The following OVOL2 variants were observed in gnomAD, a reference collection of about 807,000 sequenced individuals.
OVOL2 encodes the protein ovo like zinc finger 2.
A neutral mutation model predicts 18.1 loss-of-function variants in OVOL2; 13 were observed. That is an observed-to-expected ratio of 0.72 (90% confidence interval 0.47 to 1.14). The LOEUF is 1.14. Ranked by LOEUF, OVOL2 falls within the 50% of genes most tolerant of loss-of-function variation. The pLI is 0.00. For synonymous variants in OVOL2, 166 were observed against 162.7 expected (o/e 1.02, Z -0.16); for missense variants, 335 against 383.0 (o/e 0.87, Z 1.05).
At chr20:18,054,123 T>C (rs1600453453) in intron 2 of OVOL2, among the ~76,000 whole-genome samples, 1 of 152,362 alleles carries the variant, frequency 6.6e-6, no homozygotes. Flanking sequence ...TCTATGGTTA[T>C]TGGGCACATA....
At chr20:18,042,746 G>T (rs1030477043) in intron 2 of OVOL2, among the ~76,000 whole-genome samples, 29 of 138,932 alleles carry the variant, frequency 2.1e-4, no homozygotes, top group Non-Finnish European at 3.0e-4. Flanking sequence ...ATTGCATCCA[G>T]CCTGGGCAAC....
At chr20:18,048,986 A>G (rs953973757) in intron 2 of OVOL2, among the ~76,000 whole-genome samples, 16 of 152,138 alleles carry the variant, frequency 1.1e-4, no homozygotes, top group Non-Finnish European at 2.2e-4. Context: ...CACTTTGCAA[A>G]AGGCTTATTA....
chr20:18,038,899 A>G (rs2036644097), intron 3 of OVOL2, among the ~76,000 whole-genome samples: 1 of 152,048 alleles, frequency 6.6e-6, no homozygotes, highest in South Asian at 2.1e-4. Flanking sequence ...GACCTCCCCT[A>G]GGCCTCTTAT....
At chr20:18,036,933 G>A (rs1171470616) in intron 3 of OVOL2, among the ~76,000 whole-genome samples, 1 of 151,908 alleles carries the variant, frequency 6.6e-6, no homozygotes, top group African/African-American at 2.4e-5. Flanking sequence ...TCAGGAGATC[G>A]AGACCATCCT....
At position 18,048,422 on chromosome 20, in the gene OVOL2, T is replaced by C. The variant is rs552930825; in HGVS notation, c.322-6699A>G. Among the ~76,000 whole-genome samples the C allele has an allele frequency of 2.6e-5, 4 of 152,230 alleles. No homozygotes were observed. The South Asian group carries it at 8.3e-4, about 32-fold the overall frequency. The stretch of plus-strand genomic sequence containing the variant: ...TCCCAGTCCTTCATCTGCAACTCTG[T>C]AATTCAAAAAGCTCTGAAAAACAGC... On this transcript the variant is annotated intron_variant, in intron 2 of 3. Transcript: ENST00000278780.
intron 2 of OVOL2, among the ~76,000 whole-genome samples, chr20:18,052,160 G>A (rs1056769108): frequency 6.6e-6 from 1 of 152,182 alleles, no homozygotes; most frequent in African/African-American, 2.4e-5. Flanking sequence ...TTAGGCACAT[G>A]GTGATGCGCT....
chr20:18,047,583 G>A (rs143527150), intron 2 of OVOL2, among the ~76,000 whole-genome samples: 3,152 of 148,626 alleles, frequency 0.021, 350 homozygotes, highest in African/African-American at 0.075. Flanking sequence ...GCAGGGCACA[G>A]TGGCTCACAC....
intron 3 of OVOL2, among the ~76,000 whole-genome samples, chr20:18,034,970 G>A (rs553821657): frequency 3.3e-5 from 5 of 152,208 alleles, no homozygotes; most frequent in African/African-American, 1.2e-4. Flanking sequence ...AAGGGTCCTC[G>A]GCCCTGGGTC....
At chr20:18,052,748 A>T (rs958832505) in intron 2 of OVOL2, among the ~76,000 whole-genome samples, 1 of 152,266 alleles carries the variant, frequency 6.6e-6, no homozygotes, top group Non-Finnish European at 1.5e-5. Flanking sequence ...AAAAGAAAGA[A>T]CAGAATAGGA....
At chr20:18,039,083 A>C (rs2036645901) in intron 3 of OVOL2, among the ~76,000 whole-genome samples, 1 of 152,210 alleles carries the variant, frequency 6.6e-6, no homozygotes, top group African/African-American at 2.4e-5. Context: ...ATTTACATCA[A>C]GCTCAAAAAC....
At position 18,056,406 on chromosome 20, in the gene OVOL2, G is replaced by C. The variant is rs6045168; in HGVS notation, c.321+251C>G. Among the ~76,000 whole-genome samples, 1 of 152,162 alleles carries C rather than the reference G, an allele frequency of 6.6e-6. No individual in the cohort carries two copies. Among genetic ancestry groups the C allele is most frequent in the Non-Finnish European group, 1.5e-5 (1 of 68,004 alleles). ...CCAGAGGCAGCACTCGGCATCAGGC[G>C]GGGCCACCGGGAGGACGGAGCCCAC... On this transcript the variant is annotated intron_variant, in intron 2 of 3. Transcript: ENST00000278780. This position sits in a 1 kb window ranked among gnomAD's most constrained non-coding sequence, Gnocchi z 4.2.
At chr20:18,026,629 C>T (rs944834136) in intron 3 of OVOL2, among the ~76,000 whole-genome samples, 1 of 152,168 alleles carries the variant, frequency 6.6e-6, no homozygotes, top group Non-Finnish European at 1.5e-5. Context: ...GATCTGCCCC[C>T]CTCGGCCTCC....
Position 18,024,787 on chromosome 20 carries a change from T to C in OVOL2, c.677A>G (p.Gln226Arg). The change falls in exon 4 of 4, where the codon CAG becomes CGG. Residue 226 changes from glutamine to arginine, a missense_variant. Physicochemically the swap from Gln to Arg is conservative, Grantham distance 43. Coordinates refer to ENST00000278780, the MANE Select transcript of OVOL2 (RefSeq NM_021220.4). Reference protein sequence around the residue: ...CEDCGYTGPTQEDLYLHVNSA... With the variant: ...CEDCGYTGPTREDLYLHVNSA... ...GTTCACGTGCAGGTACAGGTCCTCC[T>C]GGGTGGGGCCCGTGTAGCCGCAATC... The C allele has an allele frequency of 6.2e-7, 1 of 1,614,204 alleles. No individual in the cohort carries two copies. The highest frequency in any genetic ancestry group is 8.5e-7 in the Non-Finnish European group (1 of 1,180,040).
At chr20:18,037,370 C>A (rs774618274) in intron 3 of OVOL2, among the ~76,000 whole-genome samples, 24 of 152,232 alleles carry the variant, frequency 1.6e-4, no homozygotes, top group Non-Finnish European at 2.6e-4. Context: ...TGGAGAACAA[C>A]AGCACTGACT....
At position 18,024,717 on chromosome 20, in the gene OVOL2, T is replaced by C; in HGVS notation, c.747A>G (p.Lys249=). Reference sequence around the variant, plus strand: ...GCTTGCCCTGCAGAAGGGCTGCCAGTTTTTTAGATGTCTTTTTGAGAAACG... The same window carrying C: ...GCTTGCCCTGCAGAAGGGCTGCCAGCTTTTTAGATGTCTTTTTGAGAAACG... The part of the protein sequence containing the change: ...GSSFLKKTSK[K]LAALLQGKLT... The change falls in exon 4 of 4, where the codon AAA becomes AAG. Residue 249 remains lysine (K), a synonymous_variant. Transcript: ENST00000278780. 1.2e-6 allele frequency: 2 copies of C among 1,614,110 alleles called. No homozygotes were observed. The highest frequency in any genetic ancestry group is 1.7e-6 in the Non-Finnish European group (2 of 1,180,012).
chr20:18,037,702 C>G (rs1319310761), intron 3 of OVOL2, among the ~76,000 whole-genome samples: 1 of 152,138 alleles, frequency 6.6e-6, no homozygotes, highest in Non-Finnish European at 1.5e-5. Flanking sequence ...GATGGACACC[C>G]AAGGAGGGAT....
At chr20:18,042,524 C>A (rs1170777293) in intron 2 of OVOL2, among the ~76,000 whole-genome samples, 1 of 152,004 alleles carries the variant, frequency 6.6e-6, no homozygotes, top group Non-Finnish European at 1.5e-5. Flanking sequence ...TGCCTGTAAT[C>A]CCAGCACTTT....
At chr20:18,025,523 C>A (rs1185577431) in intron 3 of OVOL2, among the ~76,000 whole-genome samples, 1 of 151,936 alleles carries the variant, frequency 6.6e-6, no homozygotes, top group Non-Finnish European at 1.5e-5. Flanking sequence ...GAGCTGAGAT[C>A]GAGCCACTGC....
chr20:18,030,383 A>T (rs2036557185), intron 3 of OVOL2, among the ~76,000 whole-genome samples: 1 of 152,162 alleles, frequency 6.6e-6, no homozygotes, highest in Admixed American at 6.5e-5. Context: ...AAAACATCCA[A>T]ACTAAAAATA....
Sources: allele counts gnomAD v4.1 joint callset (sites outside exome capture counted in the v4.1 genomes callset), GRCh38; gene constraint gnomAD v4.1.1; non-coding constraint Gnocchi (gnomAD v3.1); transcripts MANE v1.5; gene names NCBI Gene and HGNC (gene_info 2026-07-23, HGNC 2026-07-21).